LRGUK: variants seen among roughly 807,000 people sequenced by gnomAD.
The protein encoded by LRGUK is leucine rich repeats and guanylate kinase domain containing.
A neutral mutation model predicts 76.0 loss-of-function variants in LRGUK; 65 were observed. That is an observed-to-expected ratio of 0.85 (90% confidence interval 0.70 to 1.05). The LOEUF (loss-of-function observed/expected upper bound fraction) is 1.05. Ranked by LOEUF, LRGUK falls within the 50% of genes least tolerant of loss-of-function variation. LRGUK has a pLI of 0.00. For missense variants in LRGUK, 758 were observed against 732.8 expected, an observed-to-expected ratio of 1.03 and a Z score of -0.40; for synonymous variants, 268 against 265.6, an observed-to-expected ratio of 1.01 and a Z score of -0.09.
At chr7:134,222,187 G>A (rs554494404) in intron 16 of LRGUK, among the ~76,000 whole-genome samples, 80 of 152,296 alleles carry the variant, frequency 5.3e-4, no homozygotes, top group Non-Finnish European at 9.3e-4. Context: ...TGTAAGAACA[G>A]AAAAGCACTA....
chr7:134,186,098 C>A (rs1799970956), intron 11 of LRGUK, among the ~76,000 whole-genome samples: 1 of 152,168 alleles, frequency 6.6e-6, no homozygotes, highest in African/African-American at 2.4e-5. Context: ...CTATGAGGAA[C>A]CAAGTTTCTC....
chr7:134,232,840 C>T (rs914916150), intron 16 of LRGUK, among the ~76,000 whole-genome samples: 7 of 152,100 alleles, frequency 4.6e-5, no homozygotes, highest in Admixed American at 1.3e-4. Context: ...TTATACAATT[C>T]TTTGTTGCTT....
intron 2 of LRGUK, 68 bp downstream of exon 2, chr7:134,137,198 C>T: frequency 7.8e-6 from 9 of 1,159,192 alleles, no homozygotes; most frequent in East Asian, 2.5e-5. Context: ...TCATTTTCTT[C>T]AGTACTCTTA....
intron 16 of LRGUK, among the ~76,000 whole-genome samples, chr7:134,245,818 A>G (rs551033622): frequency 1.3e-5 from 2 of 152,302 alleles, no homozygotes; most frequent in Admixed American, 1.3e-4. Flanking sequence ...AATAAAGTAA[A>G]TTCACAGCAG....
exon 20 of LRGUK, chr7:134,264,203 G>T: frequency 5.2e-6 from 2 of 382,036 alleles, no homozygotes; most frequent in East Asian, 4.0e-5. Context: ...AAAGATGTGA[G>T]TTTTTTTAAT....
At chr7:134,233,779 G>A (rs1056213225) in intron 16 of LRGUK, among the ~76,000 whole-genome samples, 4 of 152,100 alleles carry the variant, frequency 2.6e-5, no homozygotes, top group African/African-American at 7.2e-5. Flanking sequence ...AGGGATCAAC[G>A]TGAATCTCGA....
At chr7:134,127,706 C>A (rs946764673) in intron 1 of LRGUK, 42 bp downstream of exon 1, 43 of 1,568,804 alleles carry the variant, frequency 2.7e-5, no homozygotes, top group Non-Finnish European at 3.6e-5. Flanking sequence ...GCTCCCTCGT[C>A]CAGCCCTGTT....
chr7:134,199,116 A>G (rs893088726), intron 13 of LRGUK, 104 bp from the exon 14 acceptor site: 1 of 775,048 alleles, frequency 1.3e-6, no homozygotes, highest in East Asian at 2.7e-5. Context: ...ATTCTTCAAT[A>G]TATTAATAAT....
At chr7:134,139,470 G>A in exon 3 of LRGUK, 1 of 1,610,630 alleles carries the variant, frequency 6.2e-7, no homozygotes, top group Non-Finnish European at 8.5e-7. Context: ...ATTCTCTGTG[G>A]ATATGTTCAT....
At chr7:134,164,571 C>CTT (rs1399632784) in intron 7 of LRGUK, among the ~76,000 whole-genome samples, 1 of 152,142 alleles carries the variant, frequency 6.6e-6, no homozygotes, top group African/African-American at 2.4e-5. Flanking sequence ...ATATCGAATA[C>CTT]TTTATCACAT....
At chr7:134,169,222 A>G (rs2116959061) in intron 7 of LRGUK, among the ~76,000 whole-genome samples, 1 of 151,864 alleles carries the variant, frequency 6.6e-6, no homozygotes, top group South Asian at 2.1e-4. Flanking sequence ...ACCCAGGTGA[A>G]GATGGGGCAG....
chr7:134,213,337 C>T (rs543915794), downstream of LRGUK, among the ~76,000 whole-genome samples: 31 of 152,020 alleles, frequency 2.0e-4, no homozygotes, highest in African/African-American at 7.2e-4. Context: ...TGCTGTAGTC[C>T]AGGAAAGAAG....
chr7:134,196,073 G>T (rs1038731868), intron 12 of LRGUK, among the ~76,000 whole-genome samples: 23 of 152,254 alleles, frequency 1.5e-4, no homozygotes, highest in Non-Finnish European at 5.9e-5. Flanking sequence ...TCTTAATGCT[G>T]CCACCGCCAT....
At chr7:134,192,983 T>C (rs2117057976) in intron 12 of LRGUK, among the ~76,000 whole-genome samples, 1 of 152,340 alleles carries the variant, frequency 6.6e-6, no homozygotes, top group Middle Eastern at 3.4e-3. Context: ...TGGACCTGGC[T>C]TATTCTTCAT....
chr7:134,178,550 T>C, exon 10 of LRGUK: 1 of 1,613,380 alleles, frequency 6.2e-7, no homozygotes, highest in Non-Finnish European at 8.5e-7. Context: ...TGGTTGCAGC[T>C]CAAGACCACC....
chr7:134,232,285 T>A (rs1471108333), intron 16 of LRGUK, among the ~76,000 whole-genome samples: 1 of 124,200 alleles, frequency 8.1e-6, no homozygotes, highest in Admixed American at 7.7e-5. Context: ...TTTTAATTTA[T>A]TTTTTTTTTT....
intron 17 of LRGUK, 60 bp from the exon 18 acceptor site, chr7:134,248,891 A>T: frequency 7.6e-7 from 1 of 1,314,302 alleles, no homozygotes; most frequent in Non-Finnish European, 9.8e-7. Flanking sequence ...ACATGTGTGT[A>T]CACTTGGTAT....
intron 15 of LRGUK, among the ~76,000 whole-genome samples, chr7:134,204,104 C>T (rs1800903279): frequency 7.1e-6 from 1 of 140,848 alleles, no homozygotes. Flanking sequence ...GCCTGACCAG[C>T]TCTGAGTAAC....
Position 134,199,204 on chromosome 7 carries a change from T to A in LRGUK, c.1546-16T>A. ...TGTATCTGTTTCCAATTTATTATCT[T>A]CCTTTTAATGCACAGGGTGTAAGAA... On this transcript the variant is annotated splice_polypyrimidine_tract_variant and intron_variant, in intron 13 of 15. Coordinates refer to ENST00000645682, the Ensembl canonical transcript of LRGUK. 1 of 1,606,992 alleles carries A rather than the reference T, an allele frequency of 6.2e-7. No homozygotes were observed. Among genetic ancestry groups the A allele is most frequent in the South Asian group, 1.1e-5 (1 of 90,502 alleles).
Sources: gnomAD v4.1 joint callset for allele counts (sites outside exome capture counted in the v4.1 genomes callset) on GRCh38, gnomAD v4.1.1 for gene constraint, MANE v1.5 for transcripts, NCBI Gene and HGNC (gene_info 2026-07-23, HGNC 2026-07-21) for gene names.